ADGRL1: variants seen among roughly 807,000 people sequenced by gnomAD.
ADGRL1 encodes CIRL-1.
In ADGRL1, 31 loss-of-function variants were observed where a neutral mutation model predicts 148.9. The observed-to-expected ratio is 0.21, with a 90% CI of 0.16 to 0.28. The LOEUF is 0.28. ADGRL1 is among the 10% of genes least tolerant of loss of function. ADGRL1 has a pLI of 1.00. For synonymous variants in ADGRL1, 937 were observed against 900.3 expected, an observed-to-expected ratio of 1.04 and a Z score of -0.73; for missense variants, 1,521 against 2,058.8, an observed-to-expected ratio of 0.74 and a Z score of 5.05.
chr19:14,200,360 C>T, intron 1 of ADGRL1, among the ~76,000 whole-genome samples: 1 of 152,236 alleles, frequency 6.6e-6, no homozygotes, highest in East Asian at 1.9e-4. Flanking sequence ...CCAAATGGGG[C>T]CGCCCCTCTG....
chr19:14,156,970 C>A lies in ADGRL1; in HGVS notation c.2921G>T (p.Gly974Val). ...GCGGTAGTCAATGGCAGCCGCGATG[C>A]CCACCACCAGGGCCGGGAAGCAGTA... ...GGYCFPALVVGIAAAIDYRSY... is the reference protein window; with the variant it reads ...GGYCFPALVVVIAAAIDYRSY... The change falls in exon 15 of 23, where the codon GGC (glycine) becomes GTC (valine). Residue 974 changes from glycine to valine, a missense_variant. Gly to Val is a moderately radical substitution (Grantham distance 109, BLOSUM62 -3). Around this residue, in one of 8 missense-constraint regions of ADGRL1, gnomAD observed 185 missense variants for 251.7 expected, o/e 0.74. Coordinates refer to ENST00000361434, the MANE Select transcript of ADGRL1 (RefSeq NM_014921.5). 1.9e-6 allele frequency: 3 copies of A among 1,613,286 alleles called. No homozygotes were observed. Among genetic ancestry groups the A allele is most frequent in the Non-Finnish European group, 2.5e-6 (3 of 1,179,864 alleles).
At position 14,161,173 on chromosome 19, in the gene ADGRL1, TC is replaced by T; in HGVS notation, c.1510+138del. 1 of 855,060 alleles carries T rather than the reference TC, an allele frequency of 1.2e-6. No homozygotes were observed. Among genetic ancestry groups the T allele is most frequent in the Non-Finnish European group, 1.7e-6 (1 of 586,790 alleles). 53.0% of individuals were successfully genotyped at this position (855,060 alleles called of 1,614,324 possible). On this transcript the variant is annotated intron_variant, in intron 6 of 22. Transcript: ENST00000361434. The surrounding 1 kb of genome is among the most constrained non-coding windows in gnomAD (Gnocchi z 4.4). ...TGAGTGGCTCCTGTGCCCTGAGAGCTCTGCTGGTCACTGGGGATGACCCCTG... is the reference window on the plus strand; with the variant it reads ...TGAGTGGCTCCTGTGCCCTGAGAGCTTGCTGGTCACTGGGGATGACCCCTG...
chr19:14,187,594 C>T (rs1971661267), intron 1 of ADGRL1, among the ~76,000 whole-genome samples: 1 of 145,136 alleles, frequency 6.9e-6, no homozygotes. Context: ...CAGCCCCCAA[C>T]CGCGTCTCCC....
Position 14,152,233 on chromosome 19 carries a change from G to C in ADGRL1, c.3649+76C>G, listed in dbSNP as rs1382154868. 1 of 1,613,836 alleles carries C rather than the reference G, an allele frequency of 6.2e-7. No homozygotes were observed. Among genetic ancestry groups the C allele is most frequent in the Non-Finnish European group, 8.5e-7 (1 of 1,179,964 alleles). ...GTCCAGGCTCCAGTTCTGGGGCACA[G>C]AACATCCCATGCAGAGGTCCCTTGG... On this transcript the variant is annotated intron_variant, in intron 21 of 22. Coordinates refer to ENST00000361434, the MANE Select transcript of ADGRL1 (RefSeq NM_014921.5). The surrounding 1 kb of genome is among the most constrained non-coding windows in gnomAD (Gnocchi z 6.1).
chr19:14,163,711 G>A (rs1969675325), intron 4 of ADGRL1, among the ~76,000 whole-genome samples: 4 of 152,214 alleles, frequency 2.6e-5, no homozygotes, highest in South Asian at 2.1e-4. Flanking sequence ...GGGAAGTGGT[G>A]CCCCTCTTCC....
At chr19:14,184,625 T>TATTTATTC (rs1466937822) in intron 1 of ADGRL1, among the ~76,000 whole-genome samples, 8 of 132,406 alleles carry the variant, frequency 6.0e-5, no homozygotes, top group African/African-American at 2.4e-4. Flanking sequence ...TTTATTTATT[T>TATTTATTC]ATTTATTTAT....
chr19:14,162,500 C>T lies in ADGRL1; in HGVS notation c.1195+106G>A, dbSNP rs1234140698. The T allele has an allele frequency of 1.0e-6, 1 of 987,808 alleles. No homozygotes were observed. Among genetic ancestry groups the T allele is most frequent in the Non-Finnish European group, 1.5e-6 (1 of 659,992 alleles). The allele number at this position is 987,808 out of a possible 1,614,324, so 61.2% of individuals were successfully genotyped here. ...GTGAATTTCCTTTACCTCCCGATCC[C>T]CAAGAGCTCACAGGATGGGGCTCCC... is the stretch of plus-strand genomic sequence containing the variant. On this transcript the variant is annotated intron_variant, in intron 5 of 22. Coordinates refer to ENST00000361434, the MANE Select transcript of ADGRL1 (RefSeq NM_014921.5). This position sits in a 1 kb window ranked among gnomAD's most constrained non-coding sequence, Gnocchi z 5.4.
At position 14,153,376 on chromosome 19, in the gene ADGRL1, GGGGT is replaced by G. The variant is rs1481956095; in HGVS notation, c.3295-468_3295-465del. ...TGCGGAGAAAACTATGGCCAGAAAG[GGGGT>G]TAGGCAGTGCTGACTTGGGAGCAGG... On this transcript the variant is annotated intron_variant, in intron 18 of 22. Coordinates refer to ENST00000361434, the MANE Select transcript of ADGRL1 (RefSeq NM_014921.5). Among the ~76,000 whole-genome samples, 3 of 151,876 alleles carry G rather than the reference GGGGT, an allele frequency of 2.0e-5. No individual in the cohort carries two copies. In the East Asian group the frequency reaches 5.8e-4, roughly 29 times the overall value.
intron 2 of ADGRL1, among the ~76,000 whole-genome samples, chr19:14,178,498 C>G (rs1310482654): frequency 6.6e-6 from 1 of 151,944 alleles, no homozygotes; most frequent in Non-Finnish European, 1.5e-5. Context: ...GAGCGAGACC[C>G]TATCTCAATA....
chr19:14,162,623 G>T lies in ADGRL1; in HGVS notation c.1178C>A (p.Pro393Gln). 1 of 1,607,130 alleles carries T rather than the reference G, an allele frequency of 6.2e-7. No homozygotes were observed. The highest frequency in any genetic ancestry group is 8.5e-7 in the Non-Finnish European group (1 of 1,174,630). Reference protein sequence around the residue: ...FVVRYSLEFGPPDPSAGPATS... With the variant: ...FVVRYSLEFGQPDPSAGPATS... The stretch of plus-strand genomic sequence containing the variant: ...GTCCTCACCAGCACTGGGGTCGGGC[G>T]GCCCGAACTCCAGGCTGTAGCGCAC... Residue 393 changes from proline to glutamine, a missense_variant, in exon 5 of 23, where the codon CCG becomes CAG. Pro to Gln is a moderately conservative substitution (Grantham distance 76). Transcript: ENST00000361434. This position sits in a 1 kb window ranked among gnomAD's most constrained non-coding sequence, Gnocchi z 5.4.
chr19:14,185,438 C>T (rs931664922), intron 1 of ADGRL1, among the ~76,000 whole-genome samples: 31 of 152,180 alleles, frequency 2.0e-4, no homozygotes, highest in African/African-American at 7.5e-4. Flanking sequence ...GGACCACAGG[C>T]TCTCGCCACC....
chr19:14,158,024 G>C lies in ADGRL1; in HGVS notation c.2393C>G (p.Ser798Cys). 1.2e-6 allele frequency: 2 copies of C among 1,614,186 alleles called. No individual in the cohort carries two copies. The highest frequency in any genetic ancestry group is 1.1e-5 in the South Asian group (1 of 91,084). Residue 798 changes from serine to cysteine, a missense_variant, in exon 13 of 23, where the codon TCC (serine) becomes TGC (cysteine). Ser to Cys is a moderately radical substitution (Grantham distance 112, BLOSUM62 -1). This residue lies in a region of ADGRL1 where 265 missense variants were observed against 431.9 expected (regional missense o/e 0.61). Coordinates refer to ENST00000361434, the MANE Select transcript of ADGRL1 (RefSeq NM_014921.5). ...EDKNHFNANCSFWNYSERSML... is the reference protein window; with the variant it reads ...EDKNHFNANCCFWNYSERSML... ...GGAACGCTCCGAGTAGTTCCAGAAG[G>C]AGCAGTTAGCATTGAAGTGGTTCTT...
At position 14,162,483 on chromosome 19, in the gene ADGRL1, C is replaced by T. The variant is rs1176335568; in HGVS notation, c.1195+123G>A. The T allele has an allele frequency of 1.2e-6, 1 of 801,524 alleles. No individual in the cohort carries two copies. The highest frequency in any genetic ancestry group is 2.0e-6 in the Non-Finnish European group (1 of 500,006). 49.7% of individuals were successfully genotyped at this position (801,524 alleles called of 1,614,324 possible). A position where few individuals can be genotyped will look rare whatever the true frequency, so the allele number is the denominator to read the frequency against. On this transcript the variant is annotated intron_variant, in intron 5 of 22. Transcript: ENST00000361434. The surrounding 1 kb of genome is among the most constrained non-coding windows in gnomAD (Gnocchi z 5.4). The stretch of plus-strand genomic sequence containing the variant: ...AGCGTCTGTCACATGCTGTGAATTT[C>T]CTTTACCTCCCGATCCCCAAGAGCT...
chr19:14,171,951 G>C (rs1260664370), intron 3 of ADGRL1, among the ~76,000 whole-genome samples: 1 of 152,238 alleles, frequency 6.6e-6, no homozygotes, highest in African/African-American at 2.4e-5. Context: ...TTCCCGACAG[G>C]TATGGGGCAG....
At chr19:14,166,566 GAGAGAGAGAGAGAGAA>G (rs1289923534) in intron 4 of ADGRL1, among the ~76,000 whole-genome samples, 1 of 148,910 alleles carries the variant, frequency 6.7e-6, no homozygotes, top group Non-Finnish European at 1.5e-5. Flanking sequence ...GAGAGACAGA[GAGAGAGAGAGAGAGAA>G]AGAGAGAGAG....
intron 1 of ADGRL1, among the ~76,000 whole-genome samples, chr19:14,187,180 T>C (rs1971623803): frequency 6.6e-6 from 1 of 151,808 alleles, no homozygotes; most frequent in Non-Finnish European, 1.5e-5. Context: ...CTACTAAAAA[T>C]ACCAAAAAAT....
intron 1 of ADGRL1, among the ~76,000 whole-genome samples, chr19:14,199,881 T>A (rs2145168382): frequency 6.6e-6 from 1 of 152,100 alleles, no homozygotes; most frequent in East Asian, 1.9e-4. Flanking sequence ...CTACAGGCAC[T>A]CACCACCACA....
intron 3 of ADGRL1, among the ~76,000 whole-genome samples, chr19:14,174,737 T>C (rs1266723785): frequency 6.6e-6 from 1 of 151,780 alleles, no homozygotes; most frequent in East Asian, 1.9e-4. Flanking sequence ...GGTTTCACCA[T>C]GTTGGCCAGG....
intron 22 of ADGRL1, among the ~76,000 whole-genome samples, chr19:14,151,840 G>C (rs1665773099): frequency 6.6e-6 from 1 of 152,182 alleles, no homozygotes; most frequent in Non-Finnish European, 1.5e-5. Flanking sequence ...ACAAGGACCA[G>C]TTCCCCCAGG....
Sources: gnomAD v4.1 joint callset for allele counts (sites outside exome capture counted in the v4.1 genomes callset) on GRCh38, gnomAD v4.1.1 for gene constraint, gnomAD v4.1.1 regional missense constraint, Gnocchi (gnomAD v3.1) non-coding constraint, MANE v1.5 for transcripts, NCBI Gene and HGNC (gene_info 2026-07-23, HGNC 2026-07-21) for gene names.